The following EHMT1 variants were observed in gnomAD, a reference collection of about 807,000 sequenced individuals.
EHMT1 encodes the protein histone-lysine N-methyltransferase EHMT1.
EHMT1 carries 15 observed loss-of-function variants against 147.2 expected under a neutral mutation model. That is an observed-to-expected ratio of 0.10 (90% CI 0.07 to 0.16). The LOEUF (loss-of-function observed/expected upper bound fraction) is 0.16. Among genes scored for constraint, EHMT1 ranks in the 10% least tolerant of loss-of-function variants. EHMT1 has a pLI of 1.00. For synonymous variants in EHMT1, 795 were observed against 709.6 expected (o/e 1.12, Z -1.91); for missense variants, 1,587 against 1,772.4 (o/e 0.90, Z 1.88).
chr9:137,816,926 CCCT>C (rs1332752626), intron 23 of EHMT1: 1 of 221,828 alleles, frequency 4.5e-6, no homozygotes, highest in East Asian at 1.1e-4. Context: ...CGCCCAGCCG[CCCT>C]CCTCCAGATC....
chr9:137,663,430 G>A (rs1449510769), intron 1 of EHMT1, among the ~76,000 whole-genome samples: 1 of 152,130 alleles, frequency 6.6e-6, no homozygotes, highest in African/African-American at 2.4e-5. Flanking sequence ...TGGTAGCAGC[G>A]TCCTGTGTGC....
chr9:137,784,276 A>G, intron 15 of EHMT1: 1 of 1,475,766 alleles, frequency 6.8e-7, no homozygotes, highest in Non-Finnish European at 9.1e-7. Flanking sequence ...CTGGGGGCTG[A>G]CTCCGCCTTT....
Position 137,778,120 on chromosome 9 carries a change from T to C in EHMT1, c.2192+65T>C, listed in dbSNP as rs1044568223. 88 of 1,598,866 alleles carry C rather than the reference T, an allele frequency of 5.5e-5. No individual in the cohort carries two copies. The Middle Eastern group carries it at 6.6e-4, about 12-fold the overall frequency. On this transcript the variant is annotated intron_variant, in intron 13 of 26. Coordinates refer to ENST00000460843, the MANE Select transcript of EHMT1 (RefSeq NM_024757.5). ...TGTTTTAATCTGCACCCCGCGTTTT[T>C]CCCCATGGTGTCACTTTAGCACTTC... is the stretch of plus-strand genomic sequence containing the variant.
At chr9:137,742,659 T>G (rs1056788110) in intron 4 of EHMT1, among the ~76,000 whole-genome samples, 3 of 152,186 alleles carry the variant, frequency 2.0e-5, no homozygotes. Context: ...TGCTCTTGTT[T>G]GGAAACCACT....
intron 17 of EHMT1, among the ~76,000 whole-genome samples, chr9:137,799,540 C>T (rs1953270504): frequency 6.6e-6 from 1 of 152,224 alleles, no homozygotes; most frequent in African/African-American, 2.4e-5. Context: ...GGCTTTGAGG[C>T]TGCTCAGCTC....
intron 4 of EHMT1, among the ~76,000 whole-genome samples, chr9:137,733,706 A>G (rs2135884172): frequency 6.6e-6 from 1 of 152,292 alleles, no homozygotes; most frequent in African/African-American, 2.4e-5. Flanking sequence ...CCTTTCTTCC[A>G]TGTGACGGCC....
chr9:137,834,618 T>C, intron 26 of EHMT1, 94 bp downstream of exon 26: 1 of 1,597,494 alleles, frequency 6.3e-7, no homozygotes, highest in Non-Finnish European at 8.5e-7. Flanking sequence ...GTCTCGGGTT[T>C]ATGCTAGTGG....
chr9:137,795,987 G>A (rs1019255173), intron 16 of EHMT1, among the ~76,000 whole-genome samples: 1 of 152,188 alleles, frequency 6.6e-6, no homozygotes, highest in Non-Finnish European at 1.5e-5. Context: ...ACAGCAGAGC[G>A]ACAGATGCCA....
At chr9:137,711,266 C>A (rs1386445715) in intron 2 of EHMT1, among the ~76,000 whole-genome samples, 1 of 152,130 alleles carries the variant, frequency 6.6e-6, no homozygotes, top group Non-Finnish European at 1.5e-5. Context: ...TCCTGTATAT[C>A]CTTGTCTTAA....
chr9:137,622,209 C>T (rs1199719562), intron 1 of EHMT1, among the ~76,000 whole-genome samples: 1 of 150,580 alleles, frequency 6.6e-6, no homozygotes, highest in Non-Finnish European at 1.5e-5. Flanking sequence ...GCCTCCGCCT[C>T]CCGGATTCAA....
chr9:137,701,107 T>G (rs1398874805), intron 1 of EHMT1, among the ~76,000 whole-genome samples: 1 of 152,100 alleles, frequency 6.6e-6, no homozygotes, highest in Non-Finnish European at 1.5e-5. Flanking sequence ...CTCATTATCA[T>G]GAGAACAGCA....
intron 25 of EHMT1, among the ~76,000 whole-genome samples, chr9:137,820,838 A>G (rs1021409548): frequency 2.6e-5 from 4 of 151,900 alleles, no homozygotes; most frequent in East Asian, 1.9e-4. Flanking sequence ...TATTTTAATT[A>G]CTGTAGTTTA....
chr9:137,760,876 C>T (rs781628044), intron 9 of EHMT1, among the ~76,000 whole-genome samples: 3 of 152,160 alleles, frequency 2.0e-5, no homozygotes, highest in African/African-American at 4.8e-5. Flanking sequence ...GGCGTGGTGG[C>T]GGGCGCCTGT....
At chr9:137,772,053 G>C (rs1017166540) in intron 10 of EHMT1, among the ~76,000 whole-genome samples, 6 of 152,106 alleles carry the variant, frequency 3.9e-5, no homozygotes, top group African/African-American at 1.5e-4. Context: ...GAGCCTGTGG[G>C]CACTGGGTAT....
chr9:137,701,330 CT>C (rs1943807969), intron 1 of EHMT1, among the ~76,000 whole-genome samples: 3 of 151,476 alleles, frequency 2.0e-5, no homozygotes, highest in Admixed American at 2.0e-4. Context: ...GTCACCTAGG[CT>C]GGAGTGCAAT....
chr9:137,835,275 C>T lies in EHMT1; in HGVS notation c.*322C>T, dbSNP rs1334902140. The T allele has an allele frequency of 3.8e-6, 1 of 259,788 alleles. No homozygotes were observed. Among genetic ancestry groups the T allele is most frequent in the Non-Finnish European group, 7.2e-6 (1 of 139,408 alleles). The allele number at this position is 259,788 out of a possible 1,614,324, so 16.1% of individuals were successfully genotyped here. ...GCTGATTTGTCGTTGCGAAGTTTCTCGTTTCTTCCTCTGACCTCCGAGGTC... is the reference window on the plus strand; with the variant it reads ...GCTGATTTGTCGTTGCGAAGTTTCTTGTTTCTTCCTCTGACCTCCGAGGTC... On this transcript the variant is annotated 3_prime_UTR_variant, in exon 27 of 27. Transcript: ENST00000460843.
chr9:137,727,068 A>T (rs1946700560), intron 3 of EHMT1, among the ~76,000 whole-genome samples: 1 of 152,068 alleles, frequency 6.6e-6, no homozygotes, highest in African/African-American at 2.4e-5. Context: ...TTCCTGATGG[A>T]TTTGCAGATG....
intron 1 of EHMT1, among the ~76,000 whole-genome samples, chr9:137,674,197 G>A (rs75821310): frequency 0.016 from 2,367 of 152,256 alleles, 49 homozygotes; most frequent in African/African-American, 0.042. Flanking sequence ...TGCCCTTTAC[G>A]AGGCAGTGGT....
intron 22 of EHMT1, chr9:137,815,742 A>G: frequency 1.6e-6 from 1 of 621,176 alleles, no homozygotes; most frequent in Non-Finnish European, 2.9e-6. Flanking sequence ...GGGTCTCCAC[A>G]ACCTGTGTGG....
Sources: gnomAD v4.1 joint callset for allele counts (sites outside exome capture counted in the v4.1 genomes callset) on GRCh38, gnomAD v4.1.1 for gene constraint, MANE v1.5 for transcripts, NCBI Gene and HGNC (gene_info 2026-07-23, HGNC 2026-07-21) for gene names.